PDZD2: variants seen among roughly 807,000 people sequenced by gnomAD.
The protein encoded by PDZD2 is PDZ domain-containing protein 2.
Under a neutral mutation model 220.7 loss-of-function variants are expected in PDZD2, and 90 were observed. That is an observed-to-expected ratio of 0.41 (90% CI 0.34 to 0.49). The LOEUF (loss-of-function observed/expected upper bound fraction) is 0.49. Among genes scored for constraint, PDZD2 ranks in the 20% least tolerant of loss-of-function variants. PDZD2 has a pLI of 0.28. For missense variants in PDZD2, 3,174 were observed against 3,608.5 expected, an observed-to-expected ratio of 0.88 and a Z score of 3.08; for synonymous variants, 1,375 against 1,450.5, an observed-to-expected ratio of 0.95 and a Z score of 1.18.
At chr5:31,724,199 A>T (rs1748975049) in intron 1 of PDZD2, among the ~76,000 whole-genome samples, 1 of 152,200 alleles carries the variant, frequency 6.6e-6, no homozygotes, top group South Asian at 2.1e-4. Flanking sequence ...TTTGGCCATC[A>T]TCAACCTGCT....
intron 1 of PDZD2, among the ~76,000 whole-genome samples, chr5:31,735,102 C>T (rs780876706): frequency 1.3e-5 from 2 of 152,144 alleles, no homozygotes; most frequent in Non-Finnish European, 1.5e-5. Flanking sequence ...GTTGAACCCT[C>T]CACTGCATCT....
chr5:32,103,644 G>GTATT (rs1554044820), intron 24 of PDZD2: 1 of 152,240 alleles, frequency 6.6e-6, no homozygotes, highest in African/African-American at 2.4e-5. Flanking sequence ...TAAAATGGAG[G>GTATT]TATTTTAAGA....
rs1008077918 is a variant in PDZD2 at position 32,108,040 on chromosome 5, G to A, written c.8425G>A (p.Val2809Ile). ...TCTTGCTATTAATGGGAAACCTCTGGTTGGGCTCATGCACTTTGATGCCTG... is the reference window on the plus strand; with the variant it reads ...TCTTGCTATTAATGGGAAACCTCTGATTGGGCTCATGCACTTTGATGCCTG... Reference protein sequence around the residue: ...EILAINGKPLVGLMHFDAWNI... With the variant: ...EILAINGKPLIGLMHFDAWNI... Residue 2809 changes from valine (V) to isoleucine (I), a missense_variant, in exon 25 of 25, where the codon GTT becomes ATT. This residue lies in a region of PDZD2 where 631 missense variants were observed against 789.9 expected (regional missense o/e 0.80). Coordinates refer to ENST00000438447, the MANE Select transcript of PDZD2 (RefSeq NM_178140.4). 4 of 1,611,936 alleles carry A rather than the reference G, an allele frequency of 2.5e-6. No individual in the cohort carries two copies. In the South Asian group the frequency reaches 3.3e-5, roughly 13 times the overall value.
chr5:31,837,198 T>C (rs1298063567), intron 2 of PDZD2, among the ~76,000 whole-genome samples: 2 of 152,100 alleles, frequency 1.3e-5, no homozygotes, highest in African/African-American at 4.8e-5. Flanking sequence ...CCCCACAAAA[T>C]GCAGACTCTC....
chr5:32,069,695 C>T (rs1231599286), intron 15 of PDZD2, 45 bp downstream of exon 15: 2 of 986,780 alleles, frequency 2.0e-6, no homozygotes, highest in African/African-American at 3.2e-5. Context: ...AAGAGTTTCT[C>T]ATTAAGTTCA....
chr5:31,670,717 G>A (rs546373733), intron 1 of PDZD2, among the ~76,000 whole-genome samples: 7 of 152,190 alleles, frequency 4.6e-5, no homozygotes, highest in African/African-American at 7.2e-5. Context: ...CACCGCGCCC[G>A]GCCAGTTTGC....
chr5:31,862,679 G>A (rs908781914), intron 2 of PDZD2, among the ~76,000 whole-genome samples: 1 of 151,106 alleles, frequency 6.6e-6, no homozygotes, highest in African/African-American at 2.4e-5. Context: ...TCCTACCTCA[G>A]CCTCCATAGT....
intron 1 of PDZD2, among the ~76,000 whole-genome samples, chr5:31,698,608 A>AC (rs1561390855): frequency 6.6e-6 from 1 of 151,876 alleles, no homozygotes; most frequent in African/African-American, 2.4e-5. Context: ...CAAAAAAAAA[A>AC]AAAAAGAAAA....
chr5:32,005,622 A>G (rs188935290), intron 5 of PDZD2, among the ~76,000 whole-genome samples: 1 of 152,152 alleles, frequency 6.6e-6, no homozygotes, highest in African/African-American at 2.4e-5. Flanking sequence ...CCAGCTGGGA[A>G]CATCTGTATG....
chr5:31,684,428 A>T (rs551433079), intron 1 of PDZD2, among the ~76,000 whole-genome samples: 1 of 152,288 alleles, frequency 6.6e-6, no homozygotes, highest in South Asian at 2.1e-4. Flanking sequence ...AAACCAGACC[A>T]CTTGTCACCA....
intron 1 of PDZD2, among the ~76,000 whole-genome samples, chr5:31,721,164 A>G (rs1363489138): frequency 6.6e-6 from 1 of 152,248 alleles, no homozygotes; most frequent in Admixed American, 6.5e-5. Flanking sequence ...GACTGAGCAC[A>G]TCCTGATGGA....
Position 32,000,065 on chromosome 5 carries a change from A to G in PDZD2, c.1122-74A>G. 1.4e-6 allele frequency: 2 copies of G among 1,380,670 alleles called. No individual in the cohort carries two copies. Among genetic ancestry groups the G allele is most frequent in the East Asian group, 4.7e-5 (2 of 42,806 alleles). 85.5% of individuals were successfully genotyped at this position (1,380,670 alleles called of 1,614,324 possible). A position where few individuals can be genotyped will look rare whatever the true frequency, so the allele number is the denominator to read the frequency against. ...ACCGTCCCTCCTCACAACCCTCCCTAGCTCCAGAAAATGGCCCTTCTCAGG... is the reference window on the plus strand; with the variant it reads ...ACCGTCCCTCCTCACAACCCTCCCTGGCTCCAGAAAATGGCCCTTCTCAGG... On this transcript the variant is annotated intron_variant, in intron 4 of 24. Coordinates refer to ENST00000438447, the MANE Select transcript of PDZD2 (RefSeq NM_178140.4). This position sits in a 1 kb window ranked among gnomAD's most constrained non-coding sequence, Gnocchi z 4.5.
rs573895349 is a variant in PDZD2 at position 32,059,416 on chromosome 5, G to A, written c.2318+60G>A. 277 of 833,342 alleles carry A rather than the reference G, an allele frequency of 3.3e-4. 2 individuals are homozygous for A. The highest frequency in any genetic ancestry group is 2.1e-3 in the South Asian group (133 of 62,208). The allele number at this position is 833,342 out of a possible 1,614,324, so 51.6% of individuals were successfully genotyped here. On this transcript the variant is annotated intron_variant, in intron 13 of 24. Coordinates refer to ENST00000438447, the MANE Select transcript of PDZD2 (RefSeq NM_178140.4). ...GTGTTCATAAATATGAAATATACAC[G>A]TGTGATATTTGTTCTATTACTTCCC... is the stretch of plus-strand genomic sequence containing the variant.
chr5:31,998,004 G>A lies in PDZD2; in HGVS notation c.1122-2135G>A, dbSNP rs558762812. On this transcript the variant is annotated intron_variant, in intron 4 of 24. Coordinates refer to ENST00000438447, the MANE Select transcript of PDZD2 (RefSeq NM_178140.4). The stretch of plus-strand genomic sequence containing the variant: ...ACTACAGGCGCTTGCCACCATACCC[G>A]GCTAATTTTTGTATTTTTAGTAGAG... 5.9e-5 allele frequency among the ~76,000 whole-genome samples: 9 copies of A among 152,148 alleles called. No individual in the cohort carries two copies. The East Asian group carries it at 7.7e-4, about 13-fold the overall frequency.
intron 1 of PDZD2, among the ~76,000 whole-genome samples, chr5:31,649,662 C>T (rs1186697834): frequency 2.0e-5 from 3 of 152,120 alleles, no homozygotes; most frequent in Non-Finnish European, 2.9e-5. Flanking sequence ...CGGCTGGGCG[C>T]GGCAGCGCAT....
At chr5:31,750,713 T>A (rs1354947574) in intron 1 of PDZD2, among the ~76,000 whole-genome samples, 1 of 152,118 alleles carries the variant, frequency 6.6e-6, no homozygotes, top group Non-Finnish European at 1.5e-5. Flanking sequence ...TTTTCCTGTA[T>A]TCAAGACAGA....
intron 2 of PDZD2, among the ~76,000 whole-genome samples, chr5:31,802,898 C>T (rs1201924843): frequency 7.4e-4 from 92 of 124,662 alleles, no homozygotes; most frequent in African/African-American, 2.4e-3. Context: ...CCAGCCTGGG[C>T]GACAGAGCAA....
intron 5 of PDZD2, among the ~76,000 whole-genome samples, chr5:32,003,086 T>C (rs1330529815): frequency 2.0e-4 from 14 of 71,492 alleles, no homozygotes; most frequent in Admixed American, 7.1e-4. Context: ...CACACCAACA[T>C]ACACTCCACA....
rs1344928292 is a variant in PDZD2, at chr5:32,059,281, T to C, written c.2243T>C (p.Leu748Pro). 1 of 1,613,594 alleles carries C rather than the reference T, an allele frequency of 6.2e-7. No homozygotes were observed. The highest frequency in any genetic ancestry group is 8.5e-7 in the Non-Finnish European group (1 of 1,179,612). ...GGCATTGGTGCCTGCTGCTTGGCTCTGGAAAACAGTCCTCCTGGCATCTAC... is the reference window on the plus strand; with the variant it reads ...GGCATTGGTGCCTGCTGCTTGGCTCCGGAAAACAGTCCTCCTGGCATCTAC... ...GLGIGACCLA[L>P]ENSPPGIYIH... The change falls in exon 13 of 25, where the codon CTG (leucine) becomes CCG (proline). Residue 748 changes from leucine (L) to proline (P), a missense_variant. By Grantham distance (98) the Leu-to-Pro change is moderately conservative. This residue lies in a region of PDZD2 where 1,861 missense variants were observed against 2,001.0 expected (regional missense o/e 0.93). Coordinates refer to ENST00000438447, the MANE Select transcript of PDZD2 (RefSeq NM_178140.4).
Sources: gnomAD v4.1 joint callset for allele counts (sites outside exome capture counted in the v4.1 genomes callset) on GRCh38, gnomAD v4.1.1 for gene constraint, gnomAD v4.1.1 regional missense constraint, Gnocchi (gnomAD v3.1) non-coding constraint, MANE v1.5 for transcripts, NCBI Gene and HGNC (gene_info 2026-07-23, HGNC 2026-07-21) for gene names.